RPH3AL: variants seen among roughly 807,000 people sequenced by gnomAD.
RPH3AL encodes the protein rab effector Noc2.
In RPH3AL, 38 loss-of-function variants were observed where a neutral mutation model predicts 43.1. The observed-to-expected ratio is 0.88, with a 90% CI of 0.68 to 1.15. The LOEUF (loss-of-function observed/expected upper bound fraction) is 1.15. Among genes scored for constraint, RPH3AL ranks in the 50% most tolerant of loss-of-function variants. The pLI is 0.00. For synonymous variants in RPH3AL, 189 were observed against 176.3 expected, an observed-to-expected ratio of 1.07 and a Z score of -0.57; for missense variants, 462 against 423.2, an observed-to-expected ratio of 1.09 and a Z score of -0.81.
chr17:301,421 A>T (rs1160928053), intron 5 of RPH3AL, among the ~76,000 whole-genome samples: 1 of 151,974 alleles, frequency 6.6e-6, no homozygotes, highest in Non-Finnish European at 1.5e-5. Flanking sequence ...CTCCCACCTC[A>T]GCCTCCCCAG....
At chr17:351,408 A>T (rs1002633955) in intron 1 of RPH3AL, among the ~76,000 whole-genome samples, 1 of 152,062 alleles carries the variant, frequency 6.6e-6, no homozygotes, top group Non-Finnish European at 1.5e-5. Flanking sequence ...GGTCCTCCAC[A>T]ATATAGTCCC....
At chr17:311,269 G>A (rs2043639701) in intron 5 of RPH3AL, among the ~76,000 whole-genome samples, 1 of 152,172 alleles carries the variant, frequency 6.6e-6, no homozygotes, top group East Asian at 1.9e-4. Flanking sequence ...AGTCGAATCT[G>A]CCATTGCATC....
rs2045249987 is a variant in RPH3AL at position 347,051 on chromosome 17, G to T, written c.-213+5661C>A. On this transcript the variant is annotated intron_variant, in intron 1 of 9. Transcript: ENST00000331302. Reference sequence around the variant, plus strand: ...AGGCGGGAGGATCACGAGGTCAGGAGATCGAGACCATCCTGGCTAACATGG... The same window carrying T: ...AGGCGGGAGGATCACGAGGTCAGGATATCGAGACCATCCTGGCTAACATGG... 2.2e-5 allele frequency among the ~76,000 whole-genome samples: 3 copies of T among 134,912 alleles called. 1 individual carries two copies. Among genetic ancestry groups the T allele is most frequent in the Non-Finnish European group, 5.1e-5 (3 of 59,332 alleles). 88.5% of individuals were successfully genotyped at this position (134,912 alleles called of 152,430 possible).
chr17:320,332 G>A (rs1261763318), intron 4 of RPH3AL, among the ~76,000 whole-genome samples: 1 of 152,038 alleles, frequency 6.6e-6, no homozygotes, highest in Non-Finnish European at 1.5e-5. Flanking sequence ...CATCTGGCCT[G>A]TCTTTCCCAC....
intron 7 of RPH3AL, among the ~76,000 whole-genome samples, chr17:242,884 A>ATTGATTAC (rs1567577051): frequency 1.0e-4 from 10 of 98,012 alleles, no homozygotes; most frequent in African/African-American, 1.9e-4. Context: ...TCTATTGACT[A>ATTGATTAC]CCTTCCTCTA....
intron 5 of RPH3AL, among the ~76,000 whole-genome samples, chr17:299,485 C>T (rs2043267393): frequency 6.6e-6 from 1 of 152,176 alleles, no homozygotes; most frequent in Non-Finnish European, 1.5e-5. Context: ...GAAATGAACC[C>T]GCTCCCTCTT....
intron 7 of RPH3AL, among the ~76,000 whole-genome samples, chr17:244,875 G>C (rs748612167): frequency 9.9e-5 from 15 of 152,190 alleles, no homozygotes; most frequent in Non-Finnish European, 2.1e-4. Flanking sequence ...GTGCATATGA[G>C]TGCGAGTGTG....
chr17:326,608 C>T (rs988905999), intron 3 of RPH3AL, among the ~76,000 whole-genome samples: 5 of 152,166 alleles, frequency 3.3e-5, no homozygotes, highest in Admixed American at 6.5e-5. Context: ...GGGCCAGGCG[C>T]GGTGGCTCAC....
intron 2 of RPH3AL, 141 bp from the exon 3 acceptor site, chr17:327,720 C>G: frequency 1.7e-6 from 1 of 604,156 alleles, no homozygotes; most frequent in Middle Eastern, 4.0e-4. Flanking sequence ...ACTGTGGGAA[C>G]CATCTCTCCA....
chr17:261,834 A>C (rs1199036097), intron 6 of RPH3AL: 1 of 152,216 alleles, frequency 6.6e-6, no homozygotes, highest in Non-Finnish European at 1.5e-5. Flanking sequence ...ACAGTCTCCA[A>C]CTCAAAAGGT....
chr17:213,966 G>C (rs769715385), intron 9 of RPH3AL, 43 bp from the exon 10 acceptor site: 1 of 1,481,676 alleles, frequency 6.7e-7, no homozygotes, highest in Non-Finnish European at 9.4e-7. Flanking sequence ...AGCAGCGGTG[G>C]AGTCCCTCCC....
chr17:278,930 G>A (rs1049128352), intron 6 of RPH3AL, among the ~76,000 whole-genome samples: 3 of 152,010 alleles, frequency 2.0e-5, no homozygotes, highest in South Asian at 2.1e-4. Flanking sequence ...CACTCAACTC[G>A]CTCCAGAAAA....
intron 5 of RPH3AL, among the ~76,000 whole-genome samples, chr17:310,317 G>T (rs929984804): frequency 4.6e-5 from 7 of 152,292 alleles, no homozygotes; most frequent in African/African-American, 1.7e-4. Context: ...CCGAGGACCG[G>T]CATCTCGGCT....
intron 6 of RPH3AL, among the ~76,000 whole-genome samples, chr17:270,466 T>C (rs1432668560): frequency 6.6e-6 from 1 of 152,168 alleles, no homozygotes; most frequent in African/African-American, 2.4e-5. Context: ...TCCGTAGGCC[T>C]GTGAGGCCCA....
intron 5 of RPH3AL, among the ~76,000 whole-genome samples, chr17:319,032 T>C (rs1157131253): frequency 6.6e-6 from 1 of 152,240 alleles, no homozygotes; most frequent in Non-Finnish European, 1.5e-5. Context: ...GAAGAATATT[T>C]AATCCTCATA....
intron 2 of RPH3AL, chr17:331,288 G>GCAGGAGCC: frequency 2.9e-5 from 2 of 68,046 alleles, no homozygotes; most frequent in Non-Finnish European, 6.1e-5. Flanking sequence ...AAGGGAGACG[G>GCAGGAGCC]AAAGAGCCAA....
chr17:223,557 G>A (rs753876464), intron 7 of RPH3AL, among the ~76,000 whole-genome samples: 9 of 152,198 alleles, frequency 5.9e-5, no homozygotes, highest in South Asian at 2.1e-4. Flanking sequence ...AACAAAATCC[G>A]TCTATACTGC....
rs376155538 is a variant in RPH3AL, at chr17:256,128, C to T, written c.439-8843G>A. Among the ~76,000 whole-genome samples, 27 of 2,920 alleles carry T rather than the reference C, an allele frequency of 9.2e-3. 2 individuals are homozygous for T. Among genetic ancestry groups the T allele is most frequent in the Non-Finnish European group, 0.022 (14 of 630 alleles). 1.9% of individuals were successfully genotyped at this position (2,920 alleles called of 152,430 possible). On this transcript the variant is annotated intron_variant, in intron 6 of 9. Transcript: ENST00000331302. ...ACTTCCTATGAGGGGAGCCGCACGG[C>T]GTCTGTCCTTTTCCATCCCTAGGAA...
chr17:277,017 T>C (rs1009891903), intron 6 of RPH3AL, among the ~76,000 whole-genome samples: 1 of 152,154 alleles, frequency 6.6e-6, no homozygotes, highest in Admixed American at 6.5e-5. Flanking sequence ...CAGCTAATTA[T>C]TAGAAAAATA....
Sources: gnomAD v4.1 joint callset for allele counts (sites outside exome capture counted in the v4.1 genomes callset) on GRCh38, gnomAD v4.1.1 for gene constraint, MANE v1.5 for transcripts, NCBI Gene and HGNC (gene_info 2026-07-23, HGNC 2026-07-21) for gene names.